Variants in GALNT13 observed in about 807,000 individuals in gnomAD.
GALNT13 encodes the protein polypeptide N-acetylgalactosaminyltransferase 13, also known as UDP-GalNAc:polypeptide N-acetylgalactosaminyltransferase 13.
A neutral mutation model predicts 64.2 loss-of-function variants in GALNT13; 28 were observed. The ratio of observed to expected loss-of-function variants is 0.44; its 90% CI spans 0.32 to 0.60. The LOEUF is 0.60. Ranked by LOEUF, GALNT13 falls within the 20% of genes least tolerant of loss-of-function variation. GALNT13 has a pLI of 0.05. For missense variants in GALNT13, 577 were observed against 669.8 expected (o/e 0.86, Z 1.53); for synonymous variants, 214 against 224.6 (o/e 0.95, Z 0.42).
intron 4 of GALNT13, among the ~76,000 whole-genome samples, chr2:154,216,370 A>T (rs866034411): frequency 6.6e-6 from 1 of 152,144 alleles, no homozygotes. Flanking sequence ...TATATACATC[A>T]TTCTCTACAA....
At chr2:153,285,507 A>C in the GALNT13 span, among the ~76,000 whole-genome samples, 2 of 152,152 alleles carry the variant, frequency 1.3e-5, no homozygotes, top group Non-Finnish European at 2.9e-5. Flanking sequence ...CTAAATACTA[A>C]ATATAGACAT....
intron 3 of GALNT13, among the ~76,000 whole-genome samples, chr2:154,013,214 G>A (rs761487295): frequency 5.3e-4 from 80 of 151,366 alleles, no homozygotes; most frequent in Non-Finnish European, 8.7e-4. Context: ...TCCTTTGAAC[G>A]AAGCCTTTTG....
At chr2:153,591,450 T>C in the GALNT13 span, among the ~76,000 whole-genome samples, 1 of 152,080 alleles carries the variant, frequency 6.6e-6, no homozygotes, top group African/African-American at 2.4e-5. Context: ...AAAAATAGAA[T>C]TGTAACATTT....
chr2:153,798,784 G>A, the GALNT13 span, among the ~76,000 whole-genome samples: 2 of 152,110 alleles, frequency 1.3e-5, no homozygotes, highest in African/African-American at 2.4e-5. Context: ...TACTTCTGGT[G>A]TATTTCCATG....
At chr2:153,293,527 C>T in the GALNT13 span, among the ~76,000 whole-genome samples, 2 of 152,082 alleles carry the variant, frequency 1.3e-5, no homozygotes, top group Admixed American at 6.6e-5. Context: ...CTAGAGTCTC[C>T]AGGAAAAACG....
At chr2:153,509,235 G>A in the GALNT13 span, among the ~76,000 whole-genome samples, 2 of 152,342 alleles carry the variant, frequency 1.3e-5, no homozygotes, top group African/African-American at 4.8e-5. Flanking sequence ...AGAGTGCAGG[G>A]CTGCCTCAGT....
At chr2:153,675,359 T>C in the GALNT13 span, among the ~76,000 whole-genome samples, 3 of 152,198 alleles carry the variant, frequency 2.0e-5, no homozygotes, top group African/African-American at 4.8e-5. Context: ...TGGAATACTA[T>C]GCAGCCATAA....
At chr2:153,936,993 AG>A (rs1034928838) in intron 2 of GALNT13, among the ~76,000 whole-genome samples, 17 of 152,184 alleles carry the variant, frequency 1.1e-4, no homozygotes, top group Non-Finnish European at 1.9e-4. Flanking sequence ...CTGGGATTAC[AG>A]GCGTGAGCAA....
chr2:153,073,844 T>G, the GALNT13 span, among the ~76,000 whole-genome samples: 1 of 152,206 alleles, frequency 6.6e-6, no homozygotes, highest in Non-Finnish European at 1.5e-5. Context: ...TTAATCTACA[T>G]GTTGCTTCTT....
the GALNT13 span, among the ~76,000 whole-genome samples, chr2:153,330,206 A>T: frequency 6.6e-6 from 1 of 152,198 alleles, no homozygotes; most frequent in Non-Finnish European, 1.5e-5. Context: ...GAAGTCAGGT[A>T]ATGTGATGTC....
chr2:153,205,340 G>C, the GALNT13 span, among the ~76,000 whole-genome samples: 1 of 151,900 alleles, frequency 6.6e-6, no homozygotes, highest in Non-Finnish European at 1.5e-5. Flanking sequence ...TGACATTTTT[G>C]CTGATCTAAT....
At chr2:153,736,050 C>T in the GALNT13 span, among the ~76,000 whole-genome samples, 1 of 152,166 alleles carries the variant, frequency 6.6e-6, no homozygotes, top group Non-Finnish European at 1.5e-5. Flanking sequence ...CTAATTCCAG[C>T]ATCAGATAAT....
the GALNT13 span, among the ~76,000 whole-genome samples, chr2:153,787,645 AT>A: frequency 6.6e-6 from 1 of 152,214 alleles, no homozygotes; most frequent in Non-Finnish European, 1.5e-5. Context: ...AAGAATAAAA[AT>A]CAAAATTCAG....
chr2:154,406,177 T>A (rs888738436), intron 10 of GALNT13, among the ~76,000 whole-genome samples: 2 of 152,200 alleles, frequency 1.3e-5, no homozygotes, highest in African/African-American at 4.8e-5. Flanking sequence ...ATTTGTCTTA[T>A]AACTCACATT....
the GALNT13 span, among the ~76,000 whole-genome samples, chr2:153,364,613 C>A: frequency 3.3e-5 from 5 of 152,106 alleles, no homozygotes; most frequent in Admixed American, 2.0e-4. Context: ...AGAGCCAAAT[C>A]ATGAATGGAC....
chr2:153,756,336 A>C, the GALNT13 span, among the ~76,000 whole-genome samples: 2 of 152,182 alleles, frequency 1.3e-5, no homozygotes, highest in East Asian at 3.8e-4. Flanking sequence ...TTATAAACCA[A>C]GTAAATAAAT....
chr2:153,436,006 A>G, the GALNT13 span, among the ~76,000 whole-genome samples: 2 of 152,196 alleles, frequency 1.3e-5, no homozygotes, highest in African/African-American at 4.8e-5. Flanking sequence ...CGTGCCATCA[A>G]TACCTAATTT....
the GALNT13 span, among the ~76,000 whole-genome samples, chr2:153,071,935 A>C: frequency 6.6e-6 from 1 of 152,196 alleles, no homozygotes; most frequent in Non-Finnish European, 1.5e-5. Flanking sequence ...TTGCCTTAGA[A>C]GACAGAAGCT....
chr2:153,769,963 CT>C, the GALNT13 span, among the ~76,000 whole-genome samples: 5 of 152,086 alleles, frequency 3.3e-5, no homozygotes, highest in African/African-American at 7.2e-5. Context: ...TCTTTATATT[CT>C]GAATTGCTAT....
Sources: allele counts gnomAD v4.1 joint callset (sites outside exome capture counted in the v4.1 genomes callset), GRCh38; gene constraint gnomAD v4.1.1; transcripts MANE v1.5; gene names NCBI Gene and HGNC (gene_info 2026-07-23, HGNC 2026-07-21).